Variants in SOX5 observed in about 807,000 individuals in gnomAD.
SOX5 encodes SRY-box transcription factor 5, also known as transcription factor SOX-5.
Under a neutral mutation model 92.0 loss-of-function variants are expected in SOX5, and 9 were observed. That is an observed-to-expected ratio of 0.10 (90% CI 0.06 to 0.17). The LOEUF (loss-of-function observed/expected upper bound fraction) is 0.17. SOX5 is among the 10% of genes least tolerant of loss of function. The probability of loss-of-function intolerance (pLI) is 1.00; values close to 1 mark genes in which losing one functional copy is unlikely to be tolerated. For missense variants in SOX5, 642 were observed against 944.5 expected (o/e 0.68, Z 4.20); for synonymous variants, 344 against 336.3 (o/e 1.02, Z -0.25).
chr12:23,610,457 AT>A (rs2075814370), intron 8 of SOX5, among the ~76,000 whole-genome samples: 2 of 152,214 alleles, frequency 1.3e-5, no homozygotes, highest in South Asian at 4.1e-4. Flanking sequence ...GAAGGCAGAG[AT>A]TATGTCCCTG....
At chr12:24,156,439 A>G (rs1258862839) in intron 4 of SOX5, among the ~76,000 whole-genome samples, 1 of 152,132 alleles carries the variant, frequency 6.6e-6, no homozygotes, top group Non-Finnish European at 1.5e-5. Context: ...ATATAATACA[A>G]TACACCTTGG....
At chr12:24,329,363 A>G (rs573233605) in intron 2 of SOX5, among the ~76,000 whole-genome samples, 1 of 152,250 alleles carries the variant, frequency 6.6e-6, no homozygotes, top group South Asian at 2.1e-4. Context: ...GGCGAGAGAG[A>G]AGAGTGTCCA....
intron 1 of SOX5, among the ~76,000 whole-genome samples, chr12:23,945,540 C>T (rs1019894524): frequency 2.6e-5 from 4 of 152,142 alleles, no homozygotes; most frequent in South Asian, 4.1e-4. Flanking sequence ...TGAACTGCCT[C>T]ATGCAAGCTG....
chr12:24,457,600 C>A (rs1447174137), intron 1 of SOX5, among the ~76,000 whole-genome samples: 2 of 152,060 alleles, frequency 1.3e-5, no homozygotes, highest in Non-Finnish European at 2.9e-5. Context: ...GTTTTATGAG[C>A]ACCAATTGTT....
intron 3 of SOX5, among the ~76,000 whole-genome samples, chr12:24,268,509 A>G (rs1404523175): frequency 6.6e-6 from 1 of 152,220 alleles, no homozygotes; most frequent in Non-Finnish European, 1.5e-5. Flanking sequence ...AGACAATGAG[A>G]AATAGAAATA....
Position 24,136,774 on chromosome 12 carries a change from C to G in SOX5, c.-2+76569G>C, listed in dbSNP as rs143860649. 9.6e-3 allele frequency among the ~76,000 whole-genome samples: 1,455 copies of G among 152,348 alleles called. 32 individuals are homozygous for G. The highest frequency in any genetic ancestry group is 0.033 in the African/African-American group (1,375 of 41,584). ...GCAAATTCCCATTTTGGCAAAAGCC[C>G]CTGCTTCGACTCCAAAAGTTGAATT... On this transcript the variant is annotated intron_variant, in intron 4 of 4. Transcript: ENST00000446891.
intron 4 of SOX5, among the ~76,000 whole-genome samples, chr12:23,985,955 G>T (rs1950022945): frequency 1.3e-5 from 2 of 152,056 alleles, no homozygotes; most frequent in African/African-American, 4.8e-5. Flanking sequence ...GGTAAATCTA[G>T]TCTTTCTCAA....
chr12:23,806,500 G>T (rs1417589100), intron 3 of SOX5, among the ~76,000 whole-genome samples: 1 of 150,018 alleles, frequency 6.7e-6, no homozygotes, highest in Non-Finnish European at 1.5e-5. Flanking sequence ...ATCTTTCTTT[G>T]GTTTATAGCA....
At position 24,331,612 on chromosome 12, in the gene SOX5, G is replaced by A. The variant is rs540998898; in HGVS notation, c.-174+36951C>T. ...CACCTGTAATCCCAGCACTTTGGGA[G>A]GCCAAGGTGGGCAGATCACGAGGTC... On this transcript the variant is annotated intron_variant, in intron 2 of 4. Transcript: ENST00000446891. Among the ~76,000 whole-genome samples the A allele has an allele frequency of 3.3e-5, 5 of 152,144 alleles. No homozygotes were observed. The South Asian group carries it at 8.3e-4, about 25-fold the overall frequency.
chr12:24,421,576 A>T (rs1566121683), intron 1 of SOX5, among the ~76,000 whole-genome samples: 2 of 152,256 alleles, frequency 1.3e-5, no homozygotes, highest in Non-Finnish European at 2.9e-5. Context: ...TTTACTATTA[A>T]TATCTCTCTT....
intron 2 of SOX5, among the ~76,000 whole-genome samples, chr12:24,334,298 T>A (rs1180067231): frequency 1.3e-5 from 2 of 152,006 alleles, no homozygotes; most frequent in East Asian, 3.8e-4. Context: ...AAACGGCAGA[T>A]TAAAGACTGA....
At chr12:24,539,816 C>T (rs570779444) in intron 1 of SOX5, among the ~76,000 whole-genome samples, 1 of 152,188 alleles carries the variant, frequency 6.6e-6, no homozygotes, top group Admixed American at 6.5e-5. Context: ...ACTCATAAGT[C>T]ATTCAACACA....
At chr12:24,167,854 G>GC (rs887009407) in intron 4 of SOX5, among the ~76,000 whole-genome samples, 12 of 152,134 alleles carry the variant, frequency 7.9e-5, no homozygotes, top group African/African-American at 2.9e-4. Context: ...TCCCCAGTTT[G>GC]CAGAAGGGCA....
intron 4 of SOX5, among the ~76,000 whole-genome samples, chr12:23,970,783 T>G (rs1948133047): frequency 1.5e-5 from 2 of 130,088 alleles, no homozygotes; most frequent in Admixed American, 1.7e-4. Flanking sequence ...GCAATTCTTT[T>G]GGGTATATAA....
At chr12:23,585,448 CTT>C (rs1237428326) in intron 9 of SOX5, among the ~76,000 whole-genome samples, 1 of 152,120 alleles carries the variant, frequency 6.6e-6, no homozygotes, top group African/African-American at 2.4e-5. Flanking sequence ...CAAACTACAA[CTT>C]TTTTCATTCC....
chr12:23,838,983 G>A (rs569463753), intron 3 of SOX5, among the ~76,000 whole-genome samples: 2 of 151,264 alleles, frequency 1.3e-5, no homozygotes, highest in Non-Finnish European at 2.9e-5. Flanking sequence ...GGGATTACAG[G>A]TGCCCACCAC....
intron 9 of SOX5, among the ~76,000 whole-genome samples, chr12:23,600,573 T>G (rs1313085782): frequency 4.7e-5 from 4 of 85,010 alleles, no homozygotes; most frequent in African/African-American, 1.9e-4. Context: ...GGCTTGGGAC[T>G]AAAAAAACCA....
chr12:23,684,493 C>G (rs1458121042), intron 6 of SOX5, among the ~76,000 whole-genome samples: 1 of 151,914 alleles, frequency 6.6e-6, no homozygotes, highest in Non-Finnish European at 1.5e-5. Context: ...ACATATCTGT[C>G]CTACAAAAAA....
At chr12:24,027,752 G>C (rs943711973) in intron 4 of SOX5, among the ~76,000 whole-genome samples, 5 of 151,904 alleles carry the variant, frequency 3.3e-5, no homozygotes, top group African/African-American at 4.8e-5. Flanking sequence ...GGACACTACG[G>C]AGGAGGCCCT....
Sources: gnomAD v4.1 joint callset for allele counts (sites outside exome capture counted in the v4.1 genomes callset) on GRCh38, gnomAD v4.1.1 for gene constraint, MANE v1.5 for transcripts, NCBI Gene and HGNC (gene_info 2026-07-23, HGNC 2026-07-21) for gene names.